SRP68: variants seen among roughly 807,000 people sequenced by gnomAD.
The protein encoded by SRP68 is signal recognition particle subunit SRP68.
SRP68 carries 15 observed loss-of-function variants against 82.2 expected under a neutral mutation model. The observed-to-expected ratio is 0.18, with a 90% CI of 0.12 to 0.28. The LOEUF is 0.28. Ranked by LOEUF, SRP68 falls within the 10% of genes least tolerant of loss-of-function variation. SRP68 has a pLI of 1.00. For synonymous variants in SRP68, 261 were observed against 292.6 expected (o/e 0.89, Z 1.10); for missense variants, 595 against 780.5 (o/e 0.76, Z 2.83).
Position 76,071,653 on chromosome 17 carries a change from T to C in SRP68, c.184+655A>G, listed in dbSNP as rs1028311375. Among the ~76,000 whole-genome samples, 1 of 152,228 alleles carries C rather than the reference T, an allele frequency of 6.6e-6. No individual in the cohort carries two copies. The highest frequency in any genetic ancestry group is 1.5e-5 in the Non-Finnish European group (1 of 68,042). On this transcript the variant is annotated intron_variant, in intron 1 of 15. Coordinates refer to ENST00000307877, the MANE Select transcript of SRP68 (RefSeq NM_014230.4). The surrounding 1 kb of genome is among the most constrained non-coding windows in gnomAD (Gnocchi z 4.7). Reference sequence around the variant, plus strand: ...AACTCGCCTACGTTTTCTCCATTTGTTATTCATTTCAAAAGGTCACAAACT... The same window carrying C: ...AACTCGCCTACGTTTTCTCCATTTGCTATTCATTTCAAAAGGTCACAAACT...
In SRP68 at chr17:76,060,331, C is replaced by A. The variant is rs201735400; in HGVS notation, c.814G>T (p.Gly272Cys). The A allele has an allele frequency of 1.1e-5, 18 of 1,610,082 alleles. No individual in the cohort carries two copies. Among genetic ancestry groups the A allele is most frequent in the African/African-American group, 5.4e-5 (4 of 73,724 alleles). The change falls in exon 7 of 16, where the codon GGT becomes TGT. Residue 272 changes from glycine (G) to cysteine (C), a missense_variant. Physicochemically the swap from Gly to Cys is radical, Grantham distance 159. This residue lies in a region of SRP68 where 495 missense variants were observed against 688.6 expected (regional missense o/e 0.72). Transcript: ENST00000307877. Reference sequence around the variant, plus strand: ...ACCTCCAATTTTTCAGCCAAGAGACCCTCAGTGCCCCCAGACCTCAATCTC... The same window carrying A: ...ACCTCCAATTTTTCAGCCAAGAGACACTCAGTGCCCCCAGACCTCAATCTC... ...QMRLRSGGTEGLLAEKLEALI... is the reference protein window; with the variant it reads ...QMRLRSGGTECLLAEKLEALI...
chr17:76,070,347 G>T, intron 2 of SRP68, 31 bp downstream of exon 2: 1 of 1,584,268 alleles, frequency 6.3e-7, no homozygotes. Flanking sequence ...GTCCCACAAT[G>T]ATTTCCAAAC....
chr17:76,048,562 G>C (rs573668163), intron 9 of SRP68: 1 of 152,462 alleles, frequency 6.6e-6, no homozygotes, highest in East Asian at 1.9e-4. Context: ...GCAGAGGGGA[G>C]AGGAGCTGAT....
At position 76,067,875 on chromosome 17, in the gene SRP68, T is replaced by C. The variant is rs79340300; in HGVS notation, c.252-545A>G. 8.4e-3 allele frequency among the ~76,000 whole-genome samples: 1,286 copies of C among 152,252 alleles called. 1 individual carries two copies. Among genetic ancestry groups the C allele is most frequent in the Non-Finnish European group, 0.013 (862 of 68,018 alleles). On this transcript the variant is annotated intron_variant, in intron 2 of 15. Transcript: ENST00000307877. ...CATGTTCAAGGAACCCACATTAAAA[T>C]TGAGTAGAATCATGCAGAGAAAATG...
At chr17:76,070,698 C>T (rs1168828672) in intron 1 of SRP68, among the ~76,000 whole-genome samples, 1 of 151,934 alleles carries the variant, frequency 6.6e-6, no homozygotes, top group African/African-American at 2.4e-5. Context: ...AAAAATTAGC[C>T]GGGCGCAATG....
chr17:76,067,603 A>C (rs1359820445), intron 2 of SRP68, among the ~76,000 whole-genome samples: 2 of 152,056 alleles, frequency 1.3e-5, no homozygotes, highest in Non-Finnish European at 2.9e-5. Context: ...AGATGTGACC[A>C]ACAGAGGTGT....
chr17:76,070,509 T>C, intron 1 of SRP68, 65 bp from the exon 2 acceptor site: 1 of 1,323,162 alleles, frequency 7.6e-7, no homozygotes. Flanking sequence ...ACCTGTACCA[T>C]CAGTCTATAT....
chr17:76,058,637 C>T (rs1273146882), intron 7 of SRP68, among the ~76,000 whole-genome samples: 3 of 151,958 alleles, frequency 2.0e-5, no homozygotes, highest in Non-Finnish European at 2.9e-5. Context: ...AAGGACATAG[C>T]GGAAGGTTAA....
At chr17:76,049,904 C>T (rs1461223430) in intron 9 of SRP68, among the ~76,000 whole-genome samples, 2 of 151,894 alleles carry the variant, frequency 1.3e-5, no homozygotes, top group African/African-American at 2.4e-5. Context: ...TTGTACTTTG[C>T]GAAAGAAAGG....
At chr17:76,040,560 T>C (rs1016251647) in intron 14 of SRP68, 86 bp from the exon 15 acceptor site, 1 of 1,376,646 alleles carries the variant, frequency 7.3e-7, no homozygotes, top group Non-Finnish European at 1.0e-6. Context: ...AGGTGGCCCC[T>C]ACATCCCAAA....
rs188584096 is a variant in SRP68, at chr17:76,061,621, G to A, written c.562-47C>T. On this transcript the variant is annotated intron_variant, in intron 4 of 15. Transcript: ENST00000307877. ...GGAACTGCTTCAACAGCAAACCAGT[G>A]CTCCCACTCAATCTTCCTTTATTGG... 5.6e-4 allele frequency: 828 copies of A among 1,481,680 alleles called. 13 individuals carry two copies. The Admixed American group carries it at 0.014, about 25-fold the overall frequency. 91.8% of individuals were successfully genotyped at this position (1,481,680 alleles called of 1,614,324 possible).
chr17:76,070,446 T>A lies in SRP68; in HGVS notation c.185-2A>T, dbSNP rs541268201. The A allele has an allele frequency of 6.2e-7, 1 of 1,613,618 alleles. No individual in the cohort carries two copies. Among genetic ancestry groups the A allele is most frequent in the East Asian group, 2.2e-5 (1 of 44,864 alleles). Reference sequence around the variant, plus strand: ...GGGATTCCTTAATAATCTGAAGAACTAGAGTCGAGATTAAGGAAAATCTTA... The same window carrying A: ...GGGATTCCTTAATAATCTGAAGAACAAGAGTCGAGATTAAGGAAAATCTTA... On this transcript the variant is annotated splice_acceptor_variant, in intron 1 of 15. Transcript: ENST00000307877. LOFTEE classifies it high-confidence loss of function.
chr17:76,063,770 T>C (rs2066787086), intron 4 of SRP68, among the ~76,000 whole-genome samples: 1 of 151,248 alleles, frequency 6.6e-6, no homozygotes, highest in African/African-American at 2.4e-5. Flanking sequence ...GAATGAAGCG[T>C]TGCCCAATTT....
At chr17:76,057,332 C>G in intron 8 of SRP68, 71 bp downstream of exon 8, 1 of 1,589,026 alleles carries the variant, frequency 6.3e-7, no homozygotes, top group South Asian at 1.1e-5. Flanking sequence ...CAACGAGCCA[C>G]TACATCTTAA....
intron 2 of SRP68, among the ~76,000 whole-genome samples, 200 bp downstream of exon 2, chr17:76,070,178 T>C (rs142482616): frequency 0.015 from 1,925 of 127,370 alleles, 39 homozygotes; most frequent in African/African-American, 0.058. Context: ...GAGCCAACAT[T>C]GCGCCACTGC....
chr17:76,038,936 T>G lies in SRP68; in HGVS notation c.*770A>C, dbSNP rs146598115. The G allele has an allele frequency of 1.3e-5, 2 of 155,694 alleles. No homozygotes were observed. The highest frequency in any genetic ancestry group is 2.9e-5 in the Non-Finnish European group (2 of 70,060). The allele number at this position is 155,694 out of a possible 1,614,324, so 9.6% of individuals were successfully genotyped here. ...TATAATGGCATCTAAAAATTACACA[T>G]TGGGAAGTCCTGAAAAATAGTGCCT... On this transcript the variant is annotated 3_prime_UTR_variant, in exon 16 of 16. Transcript: ENST00000307877.
intron 13 of SRP68, 109 bp from the exon 14 acceptor site, chr17:76,041,087 T>A: frequency 1.3e-6 from 1 of 748,820 alleles, no homozygotes; most frequent in South Asian, 1.7e-5. Context: ...GACTTTAGAC[T>A]TTCTAAACGG....
chr17:76,054,216 G>C (rs568848255), intron 8 of SRP68, among the ~76,000 whole-genome samples: 1 of 152,322 alleles, frequency 6.6e-6, no homozygotes, highest in Non-Finnish European at 1.5e-5. Flanking sequence ...GCGAGCTGCA[G>C]TGTGTCCTGA....
At chr17:76,067,112 AG>A in intron 3 of SRP68, 104 bp downstream of exon 3, 1 of 863,868 alleles carries the variant, frequency 1.2e-6, no homozygotes, top group South Asian at 1.4e-5. Context: ...AACAATGCCC[AG>A]CCCACAGAGA....
Sources: allele counts gnomAD v4.1 joint callset (sites outside exome capture counted in the v4.1 genomes callset), GRCh38; gene constraint gnomAD v4.1.1; regional missense constraint gnomAD v4.1.1; non-coding constraint Gnocchi (gnomAD v3.1); transcripts MANE v1.5; gene names NCBI Gene and HGNC (gene_info 2026-07-23, HGNC 2026-07-21).